Variants in CMIP observed in about 807,000 individuals in gnomAD.
CMIP encodes C-Maf-inducing protein.
Under a neutral mutation model 97.3 loss-of-function variants are expected in CMIP, and 13 were observed. The observed-to-expected ratio is 0.13, with a 90% CI of 0.09 to 0.21. The LOEUF (loss-of-function observed/expected upper bound fraction) is 0.21, where lower values mean the gene tolerates loss of function less well. Among genes scored for constraint, CMIP ranks in the 10% least tolerant of loss-of-function variants. CMIP has a pLI of 1.00. For missense variants in CMIP, 847 were observed against 1,024.9 expected (o/e 0.83, Z 2.37); for synonymous variants, 538 against 436.3 (o/e 1.23, Z -2.91).
At chr16:81,555,695 C>T (rs2090748655) in intron 1 of CMIP, among the ~76,000 whole-genome samples, 1 of 152,206 alleles carries the variant, frequency 6.6e-6, no homozygotes, top group Admixed American at 6.5e-5. Context: ...CCAGGGTATA[C>T]TGTGCTCCCC....
At chr16:81,581,121 G>A (rs541709066) in intron 1 of CMIP, among the ~76,000 whole-genome samples, 1 of 152,214 alleles carries the variant, frequency 6.6e-6, no homozygotes, top group South Asian at 2.1e-4. Context: ...CCTTTTGATG[G>A]CAGAATGATA....
At chr16:81,630,483 A>G (rs948972889) in intron 3 of CMIP, 2 of 152,182 alleles carry the variant, frequency 1.3e-5, no homozygotes, top group African/African-American at 4.8e-5. Context: ...TGCTTGAGTG[A>G]CCGCCCAGGC....
At chr16:81,526,142 T>C (rs2090130308) in intron 1 of CMIP, among the ~76,000 whole-genome samples, 1 of 152,140 alleles carries the variant, frequency 6.6e-6, no homozygotes, top group South Asian at 2.1e-4. Flanking sequence ...TTTCAGTTTG[T>C]TTGGGTCTAT....
chr16:81,534,255 C>G (rs1378909822), intron 1 of CMIP, among the ~76,000 whole-genome samples: 1 of 152,202 alleles, frequency 6.6e-6, no homozygotes, highest in African/African-American at 2.4e-5. Context: ...CCCAGTGGCC[C>G]TCAGTCAGGA....
chr16:81,459,721 G>A (rs555455183), intron 1 of CMIP, among the ~76,000 whole-genome samples: 2 of 152,328 alleles, frequency 1.3e-5, no homozygotes, highest in African/African-American at 4.8e-5. Flanking sequence ...CCAGGGGTGT[G>A]CTCTCTGGAT....
intron 1 of CMIP, among the ~76,000 whole-genome samples, chr16:81,600,399 T>G (rs1159139642): frequency 6.6e-6 from 1 of 151,882 alleles, no homozygotes; most frequent in Non-Finnish European, 1.5e-5. Flanking sequence ...TACAATGGAA[T>G]GTCAGTCAGC....
At chr16:81,656,610 C>T (rs1399394304) in intron 4 of CMIP, among the ~76,000 whole-genome samples, 1 of 152,226 alleles carries the variant, frequency 6.6e-6, no homozygotes, top group African/African-American at 2.4e-5. Context: ...TCGAGCATCT[C>T]TAATCGTGAA....
chr16:81,682,095 CG>C (rs1904928616), intron 10 of CMIP, among the ~76,000 whole-genome samples: 1 of 152,086 alleles, frequency 6.6e-6, no homozygotes, highest in Admixed American at 6.5e-5. Context: ...CCCAGCTACT[CG>C]GGAGGCTGAA....
chr16:81,556,379 ATTC>A (rs1348395880), intron 1 of CMIP, among the ~76,000 whole-genome samples: 3 of 152,134 alleles, frequency 2.0e-5, no homozygotes, highest in East Asian at 1.9e-4. Context: ...CCTATTTTTA[ATTC>A]TTCTGCATAT....
chr16:81,705,375 T>G (rs994750578), intron 18 of CMIP, 124 bp from the exon 19 acceptor site: 2 of 661,748 alleles, frequency 3.0e-6, no homozygotes, highest in African/African-American at 3.6e-5. Context: ...ACCCCAGGGC[T>G]TGGTGGGCCA....
chr16:81,523,411 T>C lies in CMIP; in HGVS notation c.300+77870T>C, dbSNP rs78482599. Among the ~76,000 whole-genome samples the C allele has an allele frequency of 7.0e-3, 1,063 of 152,268 alleles. 7 individuals carry two copies. The highest frequency in any genetic ancestry group is 0.025 in the African/African-American group (1,022 of 41,538). On this transcript the variant is annotated intron_variant, in intron 1 of 20. Transcript: ENST00000537098. ...CTGAATGGGGGACAGACTCACCCCC[T>C]GTCACACAGAAGGACGTGGGGCCCA...
intron 6 of CMIP, among the ~76,000 whole-genome samples, chr16:81,661,184 T>C (rs1272496698): frequency 6.6e-6 from 1 of 152,260 alleles, no homozygotes; most frequent in Non-Finnish European, 1.5e-5. Flanking sequence ...TTGGAATCAC[T>C]TCCCGGCTGT....
In CMIP at chr16:81,621,064, A is replaced by G. The variant is rs2091985741; in HGVS notation, c.477+138A>G. 1.0e-6 allele frequency: 1 copy of G among 989,940 alleles called. No individual in the cohort carries two copies. The highest frequency in any genetic ancestry group is 1.6e-5 in the African/African-American group (1 of 61,982). 61.3% of individuals were successfully genotyped at this position (989,940 alleles called of 1,614,324 possible). On this transcript the variant is annotated intron_variant, in intron 3 of 20. Transcript: ENST00000537098. The surrounding 1 kb of genome is among the most constrained non-coding windows in gnomAD (Gnocchi z 4.1). ...CTCAGCTGAGGAACTTTGTTCCCCT[A>G]CCTAAGAGCCCCTGGCCCTTCGTCC...
chr16:81,675,538 G>C (rs1292854399), intron 9 of CMIP, among the ~76,000 whole-genome samples: 1 of 152,010 alleles, frequency 6.6e-6, no homozygotes, highest in East Asian at 1.9e-4. Context: ...TTGTATCTAC[G>C]GGTCCTTGAA....
At chr16:81,670,380 G>T in intron 8 of CMIP, 135 bp downstream of exon 8, 2 of 904,334 alleles carry the variant, frequency 2.2e-6, no homozygotes, top group Non-Finnish European at 3.4e-6. Flanking sequence ...CTAGCCTACT[G>T]CACGGTGCCC....
intron 1 of CMIP, among the ~76,000 whole-genome samples, chr16:81,579,118 C>G (rs1412186480): frequency 6.6e-6 from 1 of 152,212 alleles, no homozygotes; most frequent in Non-Finnish European, 1.5e-5. Flanking sequence ...CCTCTCTGTG[C>G]CTCAGTTTCC....
intron 8 of CMIP, among the ~76,000 whole-genome samples, chr16:81,671,091 A>T (rs561761199): frequency 6.6e-5 from 10 of 152,250 alleles, no homozygotes; most frequent in African/African-American, 2.4e-4. Context: ...GGCCTCCCAA[A>T]GTGCTGGGAT....
intron 1 of CMIP, among the ~76,000 whole-genome samples, chr16:81,514,805 T>C (rs2150796172): frequency 6.6e-6 from 1 of 152,328 alleles, no homozygotes; most frequent in Non-Finnish European, 1.5e-5. Flanking sequence ...AGTGACTTAA[T>C]ACACAATCCT....
chr16:81,603,556 C>T (rs191732363), intron 1 of CMIP: 6 of 421,386 alleles, frequency 1.4e-5, no homozygotes, highest in East Asian at 7.1e-5. Flanking sequence ...ACATGATTGC[C>T]GAAGTCCACA....
Sources: gnomAD v4.1 joint callset for allele counts (sites outside exome capture counted in the v4.1 genomes callset) on GRCh38, gnomAD v4.1.1 for gene constraint, Gnocchi (gnomAD v3.1) non-coding constraint, MANE v1.5 for transcripts, NCBI Gene and HGNC (gene_info 2026-07-23, HGNC 2026-07-21) for gene names.